The following AKT2 variants were observed in gnomAD, a reference collection of about 807,000 sequenced individuals.
AKT2 encodes RAC-beta serine/threonine-protein kinase.
In AKT2, 16 loss-of-function variants were observed where a neutral mutation model predicts 58.6. The observed-to-expected ratio is 0.27, with a 90% CI of 0.18 to 0.41. AKT2 has a LOEUF of 0.41. Among genes scored for constraint, AKT2 ranks in the 10% least tolerant of loss-of-function variants. The pLI is 1.00. For synonymous variants in AKT2, 253 were observed against 254.0 expected (o/e 1.00, Z 0.04); for missense variants, 438 against 661.0 (o/e 0.66, Z 3.70).
intron 9 of AKT2, chr19:40,236,850 CCCA>C: frequency 4.7e-6 from 1 of 214,842 alleles, no homozygotes; most frequent in South Asian, 6.8e-5. Context: ...ACAGCGAGAC[CCCA>C]TCTCCATATT....
intron 1 of AKT2, among the ~76,000 whole-genome samples, chr19:40,283,732 A>G (rs965828359): frequency 6.6e-6 from 1 of 152,144 alleles, no homozygotes; most frequent in African/African-American, 2.4e-5. Context: ...CACCAGATCC[A>G]TGGGGGATCT....
chr19:40,239,964 G>A (rs1469600229), intron 7 of AKT2, 81 bp downstream of exon 7: 19 of 1,525,690 alleles, frequency 1.2e-5, no homozygotes, highest in Non-Finnish European at 1.7e-5. Context: ...ACTGTGCTTT[G>A]TACCAGAAGA....
chr19:40,242,832 C>A lies in AKT2; in HGVS notation c.288-145G>T. 5.6e-6 allele frequency: 5 copies of A among 887,638 alleles called. No individual in the cohort carries two copies. Among genetic ancestry groups the A allele is most frequent in the Non-Finnish European group, 8.8e-6 (5 of 567,048 alleles). 55.0% of individuals were successfully genotyped at this position (887,638 alleles called of 1,614,324 possible). A position where few individuals can be genotyped will look rare whatever the true frequency, so the allele number is the denominator to read the frequency against. On this transcript the variant is annotated intron_variant, in intron 4 of 13. Transcript: ENST00000392038. This position sits in a 1 kb window ranked among gnomAD's most constrained non-coding sequence, Gnocchi z 4.3. The stretch of plus-strand genomic sequence containing the variant: ...GGAATTTGGGCAAGATCTGTCAGAA[C>A]CAGAGAGAGCTGAAGGGACCTGAGT...
intron 2 of AKT2, among the ~76,000 whole-genome samples, chr19:40,261,361 C>T (rs1975934634): frequency 6.6e-6 from 1 of 151,878 alleles, no homozygotes; most frequent in Non-Finnish European, 1.5e-5. Context: ...GGTGAAACCC[C>T]ATCTCTACTA....
At chr19:40,270,306 G>A (rs1286873476) in intron 1 of AKT2, among the ~76,000 whole-genome samples, 1 of 152,214 alleles carries the variant, frequency 6.6e-6, no homozygotes, top group Non-Finnish European at 1.5e-5. Flanking sequence ...AGGACTCTTG[G>A]CTGCCTTAGC....
chr19:40,248,801 A>G (rs976917511), intron 4 of AKT2, among the ~76,000 whole-genome samples: 2 of 143,816 alleles, frequency 1.4e-5, no homozygotes, highest in African/African-American at 5.3e-5. Context: ...AGTGGAGGAG[A>G]TGAGGACAGG....
At chr19:40,239,124 C>T (rs551442266) in intron 7 of AKT2, 151 bp from the exon 8 acceptor site, 18 of 654,128 alleles carry the variant, frequency 2.8e-5, no homozygotes, top group African/African-American at 2.0e-4. Context: ...GTTCACATAC[C>T]GGCTGCACCT....
intron 3 of AKT2, 128 bp from the exon 4 acceptor site, chr19:40,255,397 CT>C: frequency 1.4e-6 from 1 of 703,736 alleles, no homozygotes; most frequent in Admixed American, 2.0e-5. Context: ...ACTCTAGGGA[CT>C]GAGACAGCCC....
intron 1 of AKT2, among the ~76,000 whole-genome samples, chr19:40,272,692 G>A (rs1417563688): frequency 6.6e-6 from 1 of 152,290 alleles, no homozygotes; most frequent in African/African-American, 2.4e-5. Context: ...GGACCTTATA[G>A]GGCATACTGT....
intron 2 of AKT2, among the ~76,000 whole-genome samples, chr19:40,264,955 G>A (rs2145361320): frequency 6.6e-6 from 1 of 152,320 alleles, no homozygotes; most frequent in South Asian, 2.1e-4. Context: ...TCAGTGACGT[G>A]ACTTCCCCTC....
rs963357351 is a variant in AKT2 at position 40,239,749 on chromosome 19, C to A, written c.639+296G>T. On this transcript the variant is annotated intron_variant, in intron 7 of 13. Transcript: ENST00000392038. The stretch of plus-strand genomic sequence containing the variant: ...AATGTTTCCACTTCAACCAGCTGGG[C>A]TAAGTGCTCCTAACTCATAGAGACA... The A allele has an allele frequency of 4.9e-6, 3 of 606,868 alleles. No individual in the cohort carries two copies. The African/African-American group carries it at 5.5e-5, about 11-fold the overall frequency. The allele number at this position is 606,868 out of a possible 1,614,324, so 37.6% of individuals were successfully genotyped here.
intron 1 of AKT2, among the ~76,000 whole-genome samples, chr19:40,267,006 C>G (rs998439586): frequency 1.8e-4 from 28 of 152,084 alleles, no homozygotes; most frequent in African/African-American, 6.3e-4. Context: ...TCCCACTGTT[C>G]TGTGTGTCAA....
rs1973674527 is a variant in AKT2 at position 40,231,012 on chromosome 19, T to G, written c.*2860A>C. The G allele has an allele frequency of 4.9e-6, 1 of 205,216 alleles. No homozygotes were observed. The highest frequency in any genetic ancestry group is 1.0e-5 in the Non-Finnish European group (1 of 100,462). The allele number at this position is 205,216 out of a possible 1,614,324, so 12.7% of individuals were successfully genotyped here. On this transcript the variant is annotated 3_prime_UTR_variant, in exon 14 of 14. Transcript: ENST00000392038. ...TGCTGGGATTACAGGCATGAGCCAC[T>G]GTGCCCAGTCACTGTTCTTTATATA... is the stretch of plus-strand genomic sequence containing the variant.
intron 4 of AKT2, among the ~76,000 whole-genome samples, chr19:40,249,989 C>T (rs775034212): frequency 1.3e-5 from 2 of 152,094 alleles, no homozygotes; most frequent in Non-Finnish European, 2.9e-5. Flanking sequence ...TAGACAAACG[C>T]GACAGCAAGC....
chr19:40,282,363 C>A, intron 1 of AKT2: 1 of 405,626 alleles, frequency 2.5e-6, no homozygotes, highest in Non-Finnish European at 4.9e-6. Flanking sequence ...CTTCACCGTC[C>A]TGCTGCTAGC....
At chr19:40,254,531 A>AC (rs1975395845) in intron 4 of AKT2, among the ~76,000 whole-genome samples, 2 of 151,242 alleles carry the variant, frequency 1.3e-5, no homozygotes, top group Non-Finnish European at 2.9e-5. Flanking sequence ...CTGTCTCAAA[A>AC]AAAAAAAAAA....
At chr19:40,239,794 ATATCTTC>A in intron 7 of AKT2, 1 of 676,110 alleles carries the variant, frequency 1.5e-6, no homozygotes. Context: ...AAATAATGTG[ATATCTTC>A]AGTTAGTTCA....
intron 1 of AKT2, among the ~76,000 whole-genome samples, chr19:40,269,958 G>A (rs1976598435): frequency 6.6e-6 from 1 of 152,144 alleles, no homozygotes; most frequent in South Asian, 2.1e-4. Context: ...ACCCTACGCG[G>A]CCTGCAACAT....
intron 1 of AKT2, among the ~76,000 whole-genome samples, chr19:40,284,314 T>A (rs2145446005): frequency 6.6e-6 from 1 of 152,242 alleles, no homozygotes; most frequent in South Asian, 2.1e-4. Flanking sequence ...CTCTTCAGAA[T>A]GTTAAGGCTC....
Sources: allele counts gnomAD v4.1 joint callset (sites outside exome capture counted in the v4.1 genomes callset), GRCh38; gene constraint gnomAD v4.1.1; non-coding constraint Gnocchi (gnomAD v3.1); transcripts MANE v1.5; gene names NCBI Gene and HGNC (gene_info 2026-07-23, HGNC 2026-07-21).